The following METTL15 variants were observed in gnomAD, a reference collection of about 807,000 sequenced individuals.
METTL15 encodes methyltransferase 15, mitochondrial 12S rRNA N4-cytidine, also known as 12S rRNA N(4)-cytidine methyltransferase METTL15.
METTL15 carries 34 observed loss-of-function variants against 38.3 expected under a neutral mutation model. The ratio of observed to expected loss-of-function variants is 0.89; its 90% CI spans 0.68 to 1.18. The LOEUF (loss-of-function observed/expected upper bound fraction) is 1.18, where lower values mean the gene tolerates loss of function less well. METTL15 is among the 50% of genes most tolerant of loss of function. METTL15 has a pLI of 0.00. For missense variants in METTL15, 438 were observed against 498.4 expected, an observed-to-expected ratio of 0.88 and a Z score of 1.15; for synonymous variants, 162 against 170.9, an observed-to-expected ratio of 0.95 and a Z score of 0.41.
intron 3 of METTL15, among the ~76,000 whole-genome samples, chr11:28,178,560 C>T (rs1023893656): frequency 1.3e-5 from 2 of 151,690 alleles, no homozygotes; most frequent in Non-Finnish European, 1.5e-5. Flanking sequence ...TTACTCTTTC[C>T]CTACAAGGCC....
At chr11:28,467,914 T>G (rs1851270249) in intron 6 of METTL15, among the ~76,000 whole-genome samples, 1 of 152,104 alleles carries the variant, frequency 6.6e-6, no homozygotes, top group African/African-American at 2.4e-5. Flanking sequence ...CCTTCCAAAA[T>G]ATATTTATTT....
chr11:28,361,022 G>T (rs1412572844), intron 4 of METTL15, among the ~76,000 whole-genome samples: 1 of 151,972 alleles, frequency 6.6e-6, no homozygotes, highest in Non-Finnish European at 1.5e-5. Flanking sequence ...GTATTCCATG[G>T]TGTATATGTG....
chr11:28,144,616 G>GAT (rs1849815228), intron 3 of METTL15, among the ~76,000 whole-genome samples: 2 of 151,912 alleles, frequency 1.3e-5, no homozygotes, highest in African/African-American at 2.4e-5. Flanking sequence ...CCAGGGTTTA[G>GAT]ATATATATAT....
chr11:28,376,716 T>G (rs975359333), intron 5 of METTL15, among the ~76,000 whole-genome samples: 10 of 151,968 alleles, frequency 6.6e-5, no homozygotes, highest in Non-Finnish European at 1.2e-4. Context: ...TGTTAGCTGG[T>G]TATTTTGCTC....
At chr11:28,209,984 G>A (rs1852556778) in intron 3 of METTL15, among the ~76,000 whole-genome samples, 1 of 151,878 alleles carries the variant, frequency 6.6e-6, no homozygotes, top group African/African-American at 2.4e-5. Context: ...TTACTGAAAG[G>A]TCCCATTAAA....
intron 4 of METTL15, among the ~76,000 whole-genome samples, chr11:28,224,698 A>G (rs1161341929): frequency 6.6e-6 from 1 of 151,788 alleles, no homozygotes; most frequent in East Asian, 1.9e-4. Context: ...TTAGAACCCT[A>G]ATTCTTATAT....
chr11:28,183,556 A>C (rs528463242), intron 3 of METTL15, among the ~76,000 whole-genome samples: 1 of 152,158 alleles, frequency 6.6e-6, no homozygotes, highest in East Asian at 1.9e-4. Flanking sequence ...GTGATGGATT[A>C]TGTTTATTAT....
At chr11:28,496,449 G>A (rs1029094643) in intron 6 of METTL15, among the ~76,000 whole-genome samples, 1 of 152,182 alleles carries the variant, frequency 6.6e-6, no homozygotes, top group Non-Finnish European at 1.5e-5. Context: ...ATATCAATGA[G>A]TGAGTGAAAG....
At chr11:28,227,155 G>T (rs1470055674) in intron 4 of METTL15, among the ~76,000 whole-genome samples, 1 of 151,792 alleles carries the variant, frequency 6.6e-6, no homozygotes, top group African/African-American at 2.4e-5. Context: ...TCCGAGGCTT[G>T]AGGAATATAT....
At chr11:28,373,152 G>A (rs1160618650) in intron 5 of METTL15, among the ~76,000 whole-genome samples, 2 of 151,980 alleles carry the variant, frequency 1.3e-5, no homozygotes, top group African/African-American at 2.4e-5. Flanking sequence ...GGGATGGCTG[G>A]GTCAAATGGT....
chr11:28,263,574 T>A (rs961577484), intron 4 of METTL15, among the ~76,000 whole-genome samples: 10 of 152,224 alleles, frequency 6.6e-5, no homozygotes, highest in Non-Finnish European at 1.5e-4. Flanking sequence ...TCTATTGTAA[T>A]TGCATTTCTT....
chr11:28,335,942 T>C (rs1849896935), downstream of METTL15, among the ~76,000 whole-genome samples: 1 of 152,198 alleles, frequency 6.6e-6, no homozygotes, highest in Non-Finnish European at 1.5e-5. Context: ...GTAAAGCAGT[T>C]AGCACAGTTC....
intron 3 of METTL15, among the ~76,000 whole-genome samples, chr11:28,194,293 G>T (rs1351819601): frequency 6.6e-6 from 1 of 150,982 alleles, no homozygotes; most frequent in Non-Finnish European, 1.5e-5. Context: ...CTACCTCCTG[G>T]GTTCAAGCAA....
chr11:28,476,498 C>G (rs1851347609), intron 6 of METTL15, among the ~76,000 whole-genome samples: 1 of 152,294 alleles, frequency 6.6e-6, no homozygotes, highest in African/African-American at 2.4e-5. Flanking sequence ...TCCTTGCAAG[C>G]CAATTTCCAT....
chr11:28,215,775 G>A (rs1466345249), intron 4 of METTL15, among the ~76,000 whole-genome samples: 1 of 152,158 alleles, frequency 6.6e-6, no homozygotes, highest in Non-Finnish European at 1.5e-5. Context: ...GATCATACCT[G>A]CAACCTCACC....
chr11:28,172,562 G>A (rs182472090), intron 3 of METTL15, among the ~76,000 whole-genome samples: 16 of 151,970 alleles, frequency 1.1e-4, no homozygotes, highest in African/African-American at 3.1e-4. Context: ...TTATTATACC[G>A]TTTTAGCACT....
chr11:28,235,297 T>G (rs1330191372), intron 4 of METTL15, among the ~76,000 whole-genome samples: 1 of 152,134 alleles, frequency 6.6e-6, no homozygotes, highest in Non-Finnish European at 1.5e-5. Flanking sequence ...GGGCTCTTTT[T>G]TGATTCCATA....
intron 6 of METTL15, among the ~76,000 whole-genome samples, chr11:28,450,871 C>T (rs541775355): frequency 2.0e-5 from 3 of 152,224 alleles, no homozygotes; most frequent in African/African-American, 7.2e-5. Context: ...GAGCCAACTA[C>T]CTATTCAGTA....
intron 5 of METTL15, among the ~76,000 whole-genome samples, chr11:28,383,004 A>G (rs1030370673): frequency 1.3e-5 from 2 of 151,050 alleles, no homozygotes; most frequent in African/African-American, 4.9e-5. Context: ...GTACATGTGC[A>G]AGTTTGTTAT....
Sources: gnomAD v4.1 joint callset for allele counts (sites outside exome capture counted in the v4.1 genomes callset) on GRCh38, gnomAD v4.1.1 for gene constraint, MANE v1.5 for transcripts, NCBI Gene and HGNC (gene_info 2026-07-23, HGNC 2026-07-21) for gene names.